The following TSHZ2 variants were observed in gnomAD, a reference collection of about 807,000 sequenced individuals.
TSHZ2 encodes teashirt zinc finger homeobox 2.
In TSHZ2, 21 loss-of-function variants were observed where a neutral mutation model predicts 74.4. The ratio of observed to expected loss-of-function variants is 0.28; its 90% CI spans 0.20 to 0.41. The LOEUF (loss-of-function observed/expected upper bound fraction) is 0.41, where lower values mean the gene tolerates loss of function less well. Among genes scored for constraint, TSHZ2 ranks in the 10% least tolerant of loss-of-function variants. TSHZ2 has a pLI of 1.00. For synonymous variants in TSHZ2, 540 were observed against 515.3 expected (o/e 1.05, Z -0.65); for missense variants, 1,244 against 1,293.5 (o/e 0.96, Z 0.59).
At chr20:53,061,815 A>G (rs991808977) in intron 1 of TSHZ2, among the ~76,000 whole-genome samples, 7 of 152,288 alleles carry the variant, frequency 4.6e-5, no homozygotes, top group African/African-American at 1.7e-4. Context: ...ATTCCATTTT[A>G]AAATCAACGA....
At chr20:53,388,057 A>C (rs1238188534) in intron 2 of TSHZ2, among the ~76,000 whole-genome samples, 1 of 151,984 alleles carries the variant, frequency 6.6e-6, no homozygotes, top group African/African-American at 2.4e-5. Context: ...TCTACAAAAA[A>C]AAAAAAAAAG....
rs6097227 is a variant in TSHZ2, at chr20:53,091,890, A to C, written c.40+118557A>C. 3.3e-3 allele frequency among the ~76,000 whole-genome samples: 503 copies of C among 152,274 alleles called. 1 individual carries two copies. Among genetic ancestry groups the C allele is most frequent in the African/African-American group, 0.011 (475 of 41,552 alleles). On this transcript the variant is annotated intron_variant, in intron 1 of 2. Coordinates refer to ENST00000371497, the MANE Select transcript of TSHZ2 (RefSeq NM_173485.6). ...AAGAGCCTGTCTCTACTAAAAATAAAAATAAATTAGCTAGACATGGTGGTA... is the reference window on the plus strand; with the variant it reads ...AAGAGCCTGTCTCTACTAAAAATAACAATAAATTAGCTAGACATGGTGGTA...
chr20:53,137,642 G>T (rs1431935289), intron 1 of TSHZ2, among the ~76,000 whole-genome samples: 2 of 152,124 alleles, frequency 1.3e-5, no homozygotes, highest in African/African-American at 4.8e-5. Context: ...CACGGCTGCT[G>T]CTTCATCCAG....
At chr20:53,422,780 A>G (rs902413819) in intron 2 of TSHZ2, among the ~76,000 whole-genome samples, 3 of 152,204 alleles carry the variant, frequency 2.0e-5, no homozygotes, top group Non-Finnish European at 4.4e-5. Context: ...TCACACATAA[A>G]ATATACTTAT....
At position 53,421,602 on chromosome 20, in the gene TSHZ2, G is replaced by A. The variant is rs531351323; in HGVS notation, c.*9-65542G>A. 151 of 202,652 alleles carry A rather than the reference G, an allele frequency of 7.5e-4. 1 individual carries two copies. The highest frequency in any genetic ancestry group is 3.5e-3 in the African/African-American group (148 of 42,864). The allele number at this position is 202,652 out of a possible 1,614,324, so 12.6% of individuals were successfully genotyped here. A position where few individuals can be genotyped will look rare whatever the true frequency, so the allele number is the denominator to read the frequency against. ...ATCACAGAAGCCAGGGAGAGCTTTG[G>A]GCCAGGAATGGCAAGACCAGCAAGA... On this transcript the variant is annotated intron_variant, in intron 2 of 2. Coordinates refer to ENST00000371497, the MANE Select transcript of TSHZ2 (RefSeq NM_173485.6).
intron 2 of TSHZ2, among the ~76,000 whole-genome samples, chr20:53,403,919 G>A (rs1029517746): frequency 3.3e-5 from 5 of 152,216 alleles, no homozygotes; most frequent in Admixed American, 6.5e-5. Context: ...GAGCCAAAAC[G>A]TTATAATTAA....
intron 1 of TSHZ2, among the ~76,000 whole-genome samples, chr20:53,055,056 C>CT (rs1984594466): frequency 6.6e-6 from 1 of 152,174 alleles, no homozygotes; most frequent in Non-Finnish European, 1.5e-5. Context: ...CAACACTAAT[C>CT]TGAAGGCTGA....
intron 1 of TSHZ2, among the ~76,000 whole-genome samples, chr20:53,119,572 G>T (rs1378405908): frequency 2.0e-5 from 3 of 152,104 alleles, no homozygotes; most frequent in African/African-American, 7.2e-5. Flanking sequence ...TCCCAATGGA[G>T]CTATGTTTTA....
rs117863282 is a variant in TSHZ2, at chr20:53,056,459, G to A, written c.40+83126G>A. ...GCCCAATACCGTTGTCGTTATCAAG[G>A]GCTAACTCTTATTTGTCAAGTAAAG... On this transcript the variant is annotated intron_variant, in intron 1 of 2. Coordinates refer to ENST00000371497, the MANE Select transcript of TSHZ2 (RefSeq NM_173485.6). Among the ~76,000 whole-genome samples, 710 of 152,248 alleles carry A rather than the reference G, an allele frequency of 4.7e-3. 8 individuals carry two copies. The highest frequency in any genetic ancestry group is 0.015 in the South Asian group (72 of 4,824).
intron 2 of TSHZ2, among the ~76,000 whole-genome samples, chr20:53,458,738 G>T (rs547572525): frequency 2.0e-5 from 3 of 151,864 alleles, no homozygotes; most frequent in Non-Finnish European, 4.4e-5. Flanking sequence ...CTTTGAATGC[G>T]TCCCAGAGAT....
At chr20:53,446,258 G>T (rs1984537490) in intron 2 of TSHZ2, among the ~76,000 whole-genome samples, 1 of 152,052 alleles carries the variant, frequency 6.6e-6, no homozygotes, top group African/African-American at 2.4e-5. Context: ...CTTGAAACAG[G>T]AAGTGAATAG....
At chr20:53,230,020 AAGAG>A (rs1326295844) in intron 1 of TSHZ2, among the ~76,000 whole-genome samples, 1 of 137,504 alleles carries the variant, frequency 7.3e-6, no homozygotes, top group East Asian at 2.5e-4. Context: ...GAAGGGAAAA[AAGAG>A]AAGGAAGGAA....
At chr20:53,341,470 T>C (rs1980199082) in intron 2 of TSHZ2, among the ~76,000 whole-genome samples, 2 of 151,746 alleles carry the variant, frequency 1.3e-5, no homozygotes, top group Admixed American at 6.6e-5. Context: ...TCATGCATTA[T>C]CTCTTTCTGT....
intron 2 of TSHZ2, among the ~76,000 whole-genome samples, chr20:53,345,674 C>CG (rs1476702727): frequency 6.6e-6 from 1 of 151,148 alleles, no homozygotes; most frequent in African/African-American, 2.4e-5. Context: ...CCCGCCTGCC[C>CG]GCCCCCCCAT....
intron 1 of TSHZ2, among the ~76,000 whole-genome samples, chr20:53,237,424 G>T (rs1373927017): frequency 6.6e-6 from 1 of 151,994 alleles, no homozygotes; most frequent in African/African-American, 2.4e-5. Context: ...TTGCACAACT[G>T]GTTCAAGCCC....
At chr20:53,300,768 A>G (rs1991463617) in intron 2 of TSHZ2, among the ~76,000 whole-genome samples, 1 of 152,170 alleles carries the variant, frequency 6.6e-6, no homozygotes. Flanking sequence ...AACTGCTGAA[A>G]CCAGGGAGCT....
intron 2 of TSHZ2, chr20:53,398,823 T>TA (rs1434691787): frequency 6.6e-6 from 1 of 152,160 alleles, no homozygotes; most frequent in Non-Finnish European, 1.5e-5. Context: ...TTTTCACCAG[T>TA]AAAATGGGAA....
chr20:53,463,787 G>A (rs1052894825), intron 2 of TSHZ2, among the ~76,000 whole-genome samples: 9 of 152,178 alleles, frequency 5.9e-5, no homozygotes, highest in Admixed American at 1.3e-4. Context: ...GCTTAGAGGC[G>A]GGAGCCTCAG....
At chr20:53,446,696 T>G (rs1303667877) in intron 2 of TSHZ2, among the ~76,000 whole-genome samples, 2 of 152,154 alleles carry the variant, frequency 1.3e-5, no homozygotes, top group African/African-American at 4.8e-5. Context: ...AAGAAGGACA[T>G]GAATTCATAA....
Sources: allele counts gnomAD v4.1 joint callset (sites outside exome capture counted in the v4.1 genomes callset), GRCh38; gene constraint gnomAD v4.1.1; transcripts MANE v1.5; gene names NCBI Gene and HGNC (gene_info 2026-07-23, HGNC 2026-07-21).